Variants in DDX25 observed in about 807,000 individuals in gnomAD.
The protein encoded by DDX25 is DEAD-box helicase 25.
A neutral mutation model predicts 64.6 loss-of-function variants in DDX25; 70 were observed. The ratio of observed to expected loss-of-function variants is 1.08; its 90% CI spans 0.89 to 1.32. DDX25 has a LOEUF of 1.32. DDX25 is among the 40% of genes most tolerant of loss of function. The pLI, the probability that DDX25 is intolerant of heterozygous loss-of-function variation, is 0.00. For synonymous variants in DDX25, 211 were observed against 213.3 expected (o/e 0.99, Z 0.09); for missense variants, 587 against 604.4 (o/e 0.97, Z 0.30).
chr11:125,912,928 C>A (rs1257185924), intron 8 of DDX25, among the ~76,000 whole-genome samples: 1 of 152,162 alleles, frequency 6.6e-6, no homozygotes, highest in East Asian at 1.9e-4. Context: ...GAGGCCGAGA[C>A]GGGTGGATCA....
chr11:125,909,938 C>T (rs753347731), intron 6 of DDX25, among the ~76,000 whole-genome samples: 11 of 152,162 alleles, frequency 7.2e-5, no homozygotes, highest in Non-Finnish European at 1.5e-4. Flanking sequence ...AGGTGTGAGC[C>T]ACCGTGCCCA....
In DDX25 at chr11:125,906,065, C is replaced by T. The variant is rs1307164249; in HGVS notation, c.176-9C>T. On this transcript the variant is annotated splice_polypyrimidine_tract_variant and intron_variant, in intron 3 of 11. Transcript: ENST00000263576. ...CTTGATGTCCTCTTTTTTATTTTTG[C>T]TTTTCTAGTGGATTTGGCAGCTAAT... 9 of 1,521,926 alleles carry T rather than the reference C, an allele frequency of 5.9e-6. No homozygotes were observed. The Admixed American group carries it at 1.2e-4, about 20-fold the overall frequency. The allele number at this position is 1,521,926 out of a possible 1,614,324, so 94.3% of individuals were successfully genotyped here.
At chr11:125,920,168 G>C (rs1342125889) in intron 10 of DDX25, among the ~76,000 whole-genome samples, 1 of 152,206 alleles carries the variant, frequency 6.6e-6, no homozygotes, top group Non-Finnish European at 1.5e-5. Context: ...CGGGTGCGGT[G>C]GCTCACGCCT....
rs1945154336 is a variant in DDX25, at chr11:125,924,903, T to C, written c.*2022T>C. 1 of 152,828 alleles carries C rather than the reference T, an allele frequency of 6.5e-6. No individual in the cohort carries two copies. 9.5% of individuals were successfully genotyped at this position (152,828 alleles called of 1,614,324 possible). A position where few individuals can be genotyped will look rare whatever the true frequency, so the allele number is the denominator to read the frequency against. On this transcript the variant is annotated 3_prime_UTR_variant, in exon 12 of 12. Coordinates refer to ENST00000263576, the MANE Select transcript of DDX25 (RefSeq NM_013264.5). Reference sequence around the variant, plus strand: ...CCTACATCTGCCCTTCTCTCTGGACTGGAAGCTGGTGATCACTCTTGTCCA... The same window carrying C: ...CCTACATCTGCCCTTCTCTCTGGACCGGAAGCTGGTGATCACTCTTGTCCA...
In DDX25 at chr11:125,926,831, G is replaced by A. The variant is rs1435090192; in HGVS notation, c.*3950G>A. 6.6e-6 allele frequency: 1 copy of A among 152,282 alleles called. No individual in the cohort carries two copies. The highest frequency in any genetic ancestry group is 1.5e-5 in the Non-Finnish European group (1 of 68,118). The allele number at this position is 152,282 out of a possible 1,614,324, so 9.4% of individuals were successfully genotyped here. On this transcript the variant is annotated 3_prime_UTR_variant, in exon 12 of 12. Transcript: ENST00000263576. ...CAAAGTGCTGGGATTACAGGCATCAGCCACGGCGCCCAGCCTCCCCTTCTC... is the reference window on the plus strand; with the variant it reads ...CAAAGTGCTGGGATTACAGGCATCAACCACGGCGCCCAGCCTCCCCTTCTC...
chr11:125,912,059 G>A (rs1384044231), intron 8 of DDX25, among the ~76,000 whole-genome samples: 1 of 152,158 alleles, frequency 6.6e-6, no homozygotes, highest in East Asian at 1.9e-4. Context: ...TTTTAATGAA[G>A]TATTACATAC....
intron 11 of DDX25, chr11:125,922,435 A>G (rs745753644): frequency 1.6e-5 from 3 of 183,440 alleles, no homozygotes; most frequent in Non-Finnish European, 3.4e-5. Flanking sequence ...CCTTTCAGGG[A>G]AGTAGGTTAA....
intron 4 of DDX25, among the ~76,000 whole-genome samples, chr11:125,906,982 C>A (rs1452711026): frequency 6.6e-6 from 1 of 152,160 alleles, no homozygotes; most frequent in Non-Finnish European, 1.5e-5. Context: ...CTCTCCATAT[C>A]AGAACCCAGA....
At chr11:125,907,950 T>A (rs141057506) in intron 4 of DDX25, among the ~76,000 whole-genome samples, 332 of 152,344 alleles carry the variant, frequency 2.2e-3, no homozygotes, top group African/African-American at 7.7e-3. Flanking sequence ...AACAGAAGGT[T>A]TGACTTAAGG....
upstream of DDX25, among the ~76,000 whole-genome samples, chr11:125,904,102 G>A (rs1944837455): frequency 6.6e-6 from 1 of 152,208 alleles, no homozygotes; most frequent in Non-Finnish European, 1.5e-5. Context: ...TTGTGATGTG[G>A]AGGCGGAAAT....
rs987103229 is a variant in DDX25 at position 125,904,511 on chromosome 11, C to G, written c.-7C>G. 6.7e-7 allele frequency: 1 copy of G among 1,485,636 alleles called. No individual in the cohort carries two copies. The highest frequency in any genetic ancestry group is 1.4e-5 in the African/African-American group (1 of 70,468). The allele number at this position is 1,485,636 out of a possible 1,614,324, so 92.0% of individuals were successfully genotyped here. A position where few individuals can be genotyped will look rare whatever the true frequency, so the allele number is the denominator to read the frequency against. ...ACGTGCTGGGGGCGGGAGCAGCAAT[C>G]GCAGCCATGGCGTCGTTACTGTGGG... is the stretch of plus-strand genomic sequence containing the variant. On this transcript the variant is annotated 5_prime_UTR_variant, in exon 1 of 12. The change creates a new upstream start codon in the 5' untranslated region. Transcript: ENST00000263576.
rs555725232 is a variant in DDX25, at chr11:125,907,412, T to C, written c.312-784T>C. ...TCACGAGGTCAGGAGATCGAGACCA[T>C]CCTGGCTAACACAGTGAAACCCCGT... On this transcript the variant is annotated intron_variant, in intron 4 of 11. Coordinates refer to ENST00000263576, the MANE Select transcript of DDX25 (RefSeq NM_013264.5). Among the ~76,000 whole-genome samples the C allele has an allele frequency of 5.1e-4, 78 of 152,136 alleles. No individual in the cohort carries two copies. The South Asian group carries it at 8.9e-3, about 17-fold the overall frequency.
chr11:125,912,310 G>C (rs534267799), intron 8 of DDX25, among the ~76,000 whole-genome samples: 1 of 152,180 alleles, frequency 6.6e-6, no homozygotes, highest in East Asian at 1.9e-4. Flanking sequence ...TTACCTCTCT[G>C]TAATTATGTC....
At chr11:125,903,696 T>G (rs1448077292), upstream of DDX25, among the ~76,000 whole-genome samples, 2 of 124,736 alleles carry the variant, frequency 1.6e-5, no homozygotes, top group African/African-American at 6.2e-5. Context: ...TTTGTATTTT[T>G]GCCCCCAATT....
intron 10 of DDX25, among the ~76,000 whole-genome samples, chr11:125,919,855 T>C (rs888115070): frequency 6.6e-6 from 1 of 152,244 alleles, no homozygotes; most frequent in Non-Finnish European, 1.5e-5. Context: ...CTTCAGTGGG[T>C]AGCCACTAGC....
At chr11:125,910,275 C>A (rs1041294859) in intron 6 of DDX25, 89 bp from the exon 7 acceptor site, 25 of 1,034,496 alleles carry the variant, frequency 2.4e-5, no homozygotes, top group Non-Finnish European at 3.6e-5. Context: ...CTTTCTGTGC[C>A]TCTCCCTGTA....
intron 7 of DDX25, among the ~76,000 whole-genome samples, chr11:125,910,928 T>C (rs567321486): frequency 5.3e-4 from 80 of 150,986 alleles, no homozygotes; most frequent in Middle Eastern, 3.4e-3. Flanking sequence ...TTTTTTTTTT[T>C]GAGCTCATAC....
In DDX25 at chr11:125,927,201, AAC is replaced by A. The variant is rs1186210133; in HGVS notation, c.*4325_*4326del. ...TAGATTCTTCTAGTGAAATACAGAA[AAC>A]ACACGTGAACTGGGATGATTCTTGG... is the stretch of plus-strand genomic sequence containing the variant. On this transcript the variant is annotated 3_prime_UTR_variant, in exon 12 of 12. Coordinates refer to ENST00000263576, the MANE Select transcript of DDX25 (RefSeq NM_013264.5). 3 of 152,374 alleles carry A rather than the reference AAC, an allele frequency of 2.0e-5. No homozygotes were observed. In the East Asian group the frequency reaches 5.8e-4, roughly 29 times the overall value. 9.4% of individuals were successfully genotyped at this position (152,374 alleles called of 1,614,324 possible). A position where few individuals can be genotyped will look rare whatever the true frequency, so the allele number is the denominator to read the frequency against.
intron 4 of DDX25, among the ~76,000 whole-genome samples, chr11:125,907,514 AGG>A (rs1001884303): frequency 1.3e-5 from 2 of 152,116 alleles, no homozygotes; most frequent in African/African-American, 4.8e-5. Flanking sequence ...AGGCTGAGGC[AGG>A]AGAATGGCGT....
Sources: allele counts gnomAD v4.1 joint callset (sites outside exome capture counted in the v4.1 genomes callset), GRCh38; gene constraint gnomAD v4.1.1; transcripts MANE v1.5; gene names NCBI Gene and HGNC (gene_info 2026-07-23, HGNC 2026-07-21).